POMGNT1: variants seen among roughly 807,000 people sequenced by gnomAD.
The protein encoded by POMGNT1 is protein O-linked mannose N-acetylglucosaminyltransferase 1 (beta 1,2-), also known as protein O-linked-mannose beta-1,2-N-acetylglucosaminyltransferase 1.
POMGNT1 carries 67 observed loss-of-function variants against 95.6 expected under a neutral mutation model. That is an observed-to-expected ratio of 0.70 (90% CI 0.58 to 0.86). The LOEUF (loss-of-function observed/expected upper bound fraction) is 0.86, where lower values mean the gene tolerates loss of function less well. POMGNT1 is among the 40% of genes least tolerant of loss of function. The probability of loss-of-function intolerance (pLI) is 0.00; values close to 1 mark genes in which losing one functional copy is unlikely to be tolerated. For missense variants in POMGNT1, 719 were observed against 855.2 expected (o/e 0.84, Z 1.99); for synonymous variants, 298 against 317.9 (o/e 0.94, Z 0.66).
chr1:46,193,193 G>A lies in POMGNT1; in HGVS notation c.1133C>T (p.Ala378Val). 6.2e-7 allele frequency: 1 copy of A among 1,614,224 alleles called. No individual in the cohort carries two copies. Among genetic ancestry groups the A allele is most frequent in the Non-Finnish European group, 8.5e-7 (1 of 1,180,038 alleles). Residue 378 changes from alanine to valine, a missense_variant, in exon 13 of 22, where the codon GCC becomes GTC. Physicochemically the swap from Ala to Val is moderately conservative, Grantham distance 64. This residue lies in a region of POMGNT1 where 466 missense variants were observed against 517.4 expected (regional missense o/e 0.90). Coordinates refer to ENST00000371984, the MANE Select transcript of POMGNT1 (RefSeq NM_017739.4). ...VSQHYKASLT[A>V]TFNLFPEAKF... is the part of the protein sequence containing the mutation. Reference sequence around the variant, plus strand: ...ACTCACCGGAAACAGGTTGAAAGTGGCAGTGAGGCTGGCCTTGTAGTGCTG... The same window carrying A: ...ACTCACCGGAAACAGGTTGAAAGTGACAGTGAGGCTGGCCTTGTAGTGCTG...
chr1:46,195,013 T>C, intron 6 of POMGNT1, 52 bp from the exon 7 acceptor site: 1 of 1,555,770 alleles, frequency 6.4e-7, no homozygotes, highest in Non-Finnish European at 8.9e-7. Context: ...CCAGGAGACC[T>C]GGCCTCACAG....
In POMGNT1 at chr1:46,188,912, C is replaced by A. The variant is rs1330908649; in HGVS notation, c.*358G>T. 1 of 1,612,838 alleles carries A rather than the reference C, an allele frequency of 6.2e-7. No homozygotes were observed. The highest frequency in any genetic ancestry group is 8.5e-7 in the Non-Finnish European group (1 of 1,179,898). ...ATTCCAGCCCAAAAAGAAATCCAGG[C>A]CCTCCAGGTTCGGCCTGTTTTCAAG... is the stretch of plus-strand genomic sequence containing the variant. On this transcript the variant is annotated 3_prime_UTR_variant, in exon 22 of 22. Transcript: ENST00000371984.
chr1:46,197,747 C>G lies in POMGNT1; in HGVS notation c.75G>C (p.Trp25Cys). The change falls in exon 2 of 22, where the codon TGG (tryptophan) becomes TGC (cysteine). Residue 25 changes from tryptophan to cysteine, a missense_variant. Trp to Cys is a radical substitution (Grantham distance 215, BLOSUM62 -2). This residue lies in a region of POMGNT1 where 466 missense variants were observed against 517.4 expected (regional missense o/e 0.90). Transcript: ENST00000371984. ...CCCGCTGGTTTGTCAGTTTATACTT[C>G]CAGGTAAGGTACCAGCTCCGCTTCT... ...ARKKRSWYLT[W>C]KYKLTNQRAL... is the part of the protein sequence containing the mutation. 6.2e-7 allele frequency: 1 copy of G among 1,614,128 alleles called. No homozygotes were observed. Among genetic ancestry groups the G allele is most frequent in the Non-Finnish European group, 8.5e-7 (1 of 1,180,012 alleles).
chr1:46,190,130 G>A, intron 19 of POMGNT1, 141 bp from the exon 20 acceptor site: 1 of 982,784 alleles, frequency 1.0e-6, no homozygotes, highest in South Asian at 1.7e-5. Context: ...ATGGAGTCTT[G>A]CTCTGTCGCC....
upstream of POMGNT1, chr1:46,203,333 C>A (rs910012045): frequency 2.5e-6 from 3 of 1,177,144 alleles, no homozygotes; most frequent in Admixed American, 3.2e-5. Flanking sequence ...GGGGACCCAC[C>A]GGTTTTGCTC....
At chr1:46,204,338 C>T (rs1448936300) in intron 1 of POMGNT1, among the ~76,000 whole-genome samples, 1 of 152,198 alleles carries the variant, frequency 6.6e-6, no homozygotes, top group South Asian at 2.1e-4. Context: ...CCTCCCCTTT[C>T]TCTATTGCTG....
chr1:46,197,653 G>A, intron 2 of POMGNT1, 49 bp downstream of exon 2: 4 of 1,612,152 alleles, frequency 2.5e-6, no homozygotes, highest in Non-Finnish European at 3.4e-6. Context: ...AGGTGGGGAG[G>A]AAGCTGGGAG....
intron 1 of POMGNT1, among the ~76,000 whole-genome samples, chr1:46,210,643 T>C (rs1002922619): frequency 6.6e-5 from 10 of 152,110 alleles, no homozygotes; most frequent in African/African-American, 2.4e-4. Context: ...ATAAGGATAT[T>C]ACAAAGGATA....
intron 1 of POMGNT1, among the ~76,000 whole-genome samples, chr1:46,214,568 AC>A (rs1269620826): frequency 6.6e-6 from 1 of 151,970 alleles, no homozygotes; most frequent in Non-Finnish European, 1.5e-5. Flanking sequence ...AAAAAGAAAA[AC>A]CAAAGAGTTG....
chr1:46,191,881 G>A (rs1164876883), intron 17 of POMGNT1: 9 of 574,384 alleles, frequency 1.6e-5, no homozygotes, highest in South Asian at 9.1e-5. Context: ...TGATCCACCC[G>A]CATCGGCCTC....
intron 18 of POMGNT1, 98 bp from the exon 19 acceptor site, chr1:46,190,615 C>A (rs1036658649): frequency 6.5e-7 from 1 of 1,532,630 alleles, no homozygotes; most frequent in Non-Finnish European, 9.0e-7. Context: ...AATCTGTAGC[C>A]GCAGGGCTGG....
intron 1 of POMGNT1, among the ~76,000 whole-genome samples, chr1:46,213,619 G>A (rs905979107): frequency 9.9e-5 from 15 of 152,092 alleles, no homozygotes; most frequent in Admixed American, 2.6e-4. Flanking sequence ...AGCACTCTGG[G>A]AGGCTGAGGT....
chr1:46,219,479 CAA>C (rs1418033855), intron 1 of POMGNT1, among the ~76,000 whole-genome samples: 2 of 152,258 alleles, frequency 1.3e-5, no homozygotes, highest in East Asian at 1.9e-4. Context: ...GTTTTACAAA[CAA>C]AGAGACTGAG....
At chr1:46,220,245 C>T in exon 1 of POMGNT1, 1 of 1,570,052 alleles carries the variant, frequency 6.4e-7, no homozygotes. Context: ...TTTTGTAATC[C>T]TGTGGCTCTT....
exon 1 of POMGNT1, chr1:46,219,797 G>A (rs199561168): frequency 1.5e-5 from 25 of 1,614,084 alleles, no homozygotes; most frequent in African/African-American, 2.7e-5. Context: ...AGCGGGGGAC[G>A]TTGACCAGTC....
intron 17 of POMGNT1, 56 bp downstream of exon 17, chr1:46,192,042 G>GTTC (rs774541077): frequency 6.4e-7 from 1 of 1,559,490 alleles, no homozygotes; most frequent in Non-Finnish European, 8.8e-7. Flanking sequence ...CAGAGTCCAT[G>GTTC]TTCTTGTTCT....
intron 1 of POMGNT1, among the ~76,000 whole-genome samples, chr1:46,215,842 A>G (rs1439846530): frequency 6.6e-6 from 1 of 152,024 alleles, no homozygotes; most frequent in African/African-American, 2.4e-5. Context: ...GGCTGTAGTC[A>G]ACCATGATTG....
Position 46,193,596 on chromosome 1 carries a change from T to C in POMGNT1, c.994A>G (p.Met332Val), listed in dbSNP as rs546332176. 1.2e-6 allele frequency: 2 copies of C among 1,614,160 alleles called. No individual in the cohort carries two copies. The highest frequency in any genetic ancestry group is 2.2e-5 in the South Asian group (2 of 91,076). ...TAGCCGTCAATGAAAACTGTTATCATCTGAGGAGACACCCCCTGGGCTGAA... is the reference window on the plus strand; with the variant it reads ...TAGCCGTCAATGAAAACTGTTATCACCTGAGGAGACACCCCCTGGGCTGAA... Reference protein sequence around the residue: ...LLSAQGVSPQMITVFIDGYYE... With the variant: ...LLSAQGVSPQVITVFIDGYYE... The change falls in exon 11 of 22, where the codon ATG becomes GTG. Residue 332 changes from methionine to valine, a missense_variant. By Grantham distance (21) the Met-to-Val change is conservative. Transcript: ENST00000371984.
intron 1 of POMGNT1, among the ~76,000 whole-genome samples, chr1:46,204,944 T>C (rs1658664433): frequency 6.6e-6 from 1 of 152,156 alleles, no homozygotes; most frequent in African/African-American, 2.4e-5. Flanking sequence ...CCCTGTTAAG[T>C]GATATTTTAT....
Sources: allele counts gnomAD v4.1 joint callset (sites outside exome capture counted in the v4.1 genomes callset), GRCh38; gene constraint gnomAD v4.1.1; regional missense constraint gnomAD v4.1.1; transcripts MANE v1.5; gene names NCBI Gene and HGNC (gene_info 2026-07-23, HGNC 2026-07-21).